Variants in BCHE observed in about 807,000 individuals in gnomAD.
The protein encoded by BCHE is butyrylcholinesterase.
BCHE carries 48 observed loss-of-function variants against 51.3 expected under a neutral mutation model. The ratio of observed to expected loss-of-function variants is 0.94; its 90% CI spans 0.74 to 1.19. BCHE has a LOEUF of 1.19. Ranked by LOEUF, BCHE falls within the 50% of genes most tolerant of loss-of-function variation. The pLI is 0.00. For missense variants in BCHE, 847 were observed against 708.2 expected (o/e 1.20, Z -2.23); for synonymous variants, 251 against 238.0 (o/e 1.05, Z -0.50).
At chr3:165,822,063 ATTACTTTG>A (rs1714547264) in intron 2 of BCHE, among the ~76,000 whole-genome samples, 1 of 152,122 alleles carries the variant, frequency 6.6e-6, no homozygotes, top group Admixed American at 6.6e-5. Flanking sequence ...TTACTTCCAA[ATTACTTTG>A]TTAAGTAGCT....
chr3:165,805,637 T>C (rs1356736405), intron 2 of BCHE, among the ~76,000 whole-genome samples: 2 of 152,220 alleles, frequency 1.3e-5, no homozygotes, highest in African/African-American at 2.4e-5. Flanking sequence ...AGATGGATGA[T>C]AGCAATAACC....
chr3:165,793,720 G>A (rs894926975), intron 2 of BCHE, among the ~76,000 whole-genome samples: 1 of 152,108 alleles, frequency 6.6e-6, no homozygotes, highest in African/African-American at 2.4e-5. Flanking sequence ...ATTTGTTGTG[G>A]CAATCAGACA....
chr3:165,793,255 A>G (rs1003751018), intron 2 of BCHE, among the ~76,000 whole-genome samples: 3 of 152,214 alleles, frequency 2.0e-5, no homozygotes, highest in Admixed American at 1.3e-4. Flanking sequence ...TAAAATACAC[A>G]TAATGCACTA....
intron 2 of BCHE, among the ~76,000 whole-genome samples, chr3:165,810,897 T>A (rs1182798458): frequency 6.6e-6 from 1 of 152,142 alleles, no homozygotes; most frequent in African/African-American, 2.4e-5. Flanking sequence ...GGAACTTTTC[T>A]AAGAACAGAG....
At chr3:165,788,654 T>C (rs928757681) in intron 2 of BCHE, among the ~76,000 whole-genome samples, 2 of 152,180 alleles carry the variant, frequency 1.3e-5, no homozygotes, top group Non-Finnish European at 2.9e-5. Context: ...AATTCTGCTC[T>C]ACTTTACTTA....
intron 2 of BCHE, among the ~76,000 whole-genome samples, chr3:165,800,738 T>G (rs1482676194): frequency 6.6e-6 from 1 of 152,066 alleles, no homozygotes. Flanking sequence ...TGAACTGACT[T>G]TTTTTCAGGA....
At chr3:165,786,424 A>G in intron 2 of BCHE, 113 bp from the exon 3 acceptor site, 1 of 995,726 alleles carries the variant, frequency 1.0e-6, no homozygotes, top group Non-Finnish European at 1.5e-6. Context: ...GACAGAAAAA[A>G]TGTGGATATA....
Position 165,830,236 on chromosome 3 carries a change from TTCATAAAGAGATGTTA to T in BCHE, c.782_797del (p.Val261GlufsTer7). On this transcript the variant is annotated frameshift_variant, in exon 2 of 4. Coordinates refer to ENST00000264381, the MANE Select transcript of BCHE (RefSeq NM_000055.4). LOFTEE classifies it high-confidence loss of function. The stretch of plus-strand genomic sequence containing the variant: ...CTAAGTTCAACGTTCTGTTCCTAGC[TTCATAAAGAGATGTTA>T]CCGCCCAAGGAGCATTAAAGGATCC... The T allele has an allele frequency of 6.2e-7, 1 of 1,614,028 alleles. No homozygotes were observed.
intron 2 of BCHE, chr3:165,827,994 G>A (rs1202667885): frequency 2.2e-6 from 1 of 455,312 alleles, no homozygotes; most frequent in East Asian, 7.0e-5. Flanking sequence ...ACCCATCATA[G>A]TACTTCAATG....
chr3:165,773,743 A>T (rs1037050563), intron 3 of BCHE, among the ~76,000 whole-genome samples: 13 of 150,008 alleles, frequency 8.7e-5, no homozygotes, highest in African/African-American at 3.3e-4. Context: ...CGTATAACAT[A>T]TAAAATGGAA....
intron 2 of BCHE, among the ~76,000 whole-genome samples, chr3:165,788,693 C>T (rs1385731141): frequency 6.6e-6 from 1 of 152,088 alleles, no homozygotes; most frequent in Non-Finnish European, 1.5e-5. Context: ...GCATTCATTT[C>T]TGTCTTCTGT....
chr3:165,814,061 T>C (rs1401305130), intron 2 of BCHE, among the ~76,000 whole-genome samples: 1 of 152,012 alleles, frequency 6.6e-6, no homozygotes, highest in Non-Finnish European at 1.5e-5. Flanking sequence ...ATAATAAATA[T>C]AGGTAGTATC....
intron 2 of BCHE, among the ~76,000 whole-genome samples, chr3:165,810,988 T>C (rs1268924028): frequency 6.6e-6 from 1 of 152,106 alleles, no homozygotes; most frequent in Non-Finnish European, 1.5e-5. Context: ...TACATCTTAT[T>C]GGAGTTATAC....
intron 2 of BCHE, among the ~76,000 whole-genome samples, chr3:165,805,192 C>G (rs1713824180): frequency 2.6e-5 from 4 of 151,780 alleles, no homozygotes; most frequent in Admixed American, 2.6e-4. Flanking sequence ...AAATAACGAG[C>G]TCTTAGTAGA....
chr3:165,775,285 G>T (rs1391730925), intron 3 of BCHE, among the ~76,000 whole-genome samples: 1 of 151,766 alleles, frequency 6.6e-6, no homozygotes, highest in Non-Finnish European at 1.5e-5. Flanking sequence ...CTTGGACATT[G>T]GAAAAATATT....
chr3:165,775,703 A>G (rs530077338), intron 3 of BCHE, among the ~76,000 whole-genome samples: 1 of 152,036 alleles, frequency 6.6e-6, no homozygotes, highest in Admixed American at 6.6e-5. Flanking sequence ...TCAAATGTCT[A>G]TACAATTTAG....
chr3:165,835,019 A>T (rs561265551), intron 1 of BCHE, among the ~76,000 whole-genome samples: 2 of 151,996 alleles, frequency 1.3e-5, no homozygotes, highest in East Asian at 3.9e-4. Flanking sequence ...ATTGGAAATA[A>T]AGACAGGAGT....
intron 2 of BCHE, among the ~76,000 whole-genome samples, chr3:165,797,159 T>TC (rs1164812224): frequency 1.8e-5 from 2 of 113,646 alleles, no homozygotes; most frequent in African/African-American, 3.3e-5. Context: ...CCTCCTTCCT[T>TC]CTTCCCTCCC....
At chr3:165,822,583 T>C (rs1342384518) in intron 2 of BCHE, among the ~76,000 whole-genome samples, 1 of 152,052 alleles carries the variant, frequency 6.6e-6, no homozygotes, top group Non-Finnish European at 1.5e-5. Flanking sequence ...CTGGGAACAT[T>C]ACATTGGCTG....
Sources: gnomAD v4.1 joint callset for allele counts (sites outside exome capture counted in the v4.1 genomes callset) on GRCh38, gnomAD v4.1.1 for gene constraint, MANE v1.5 for transcripts, NCBI Gene and HGNC (gene_info 2026-07-23, HGNC 2026-07-21) for gene names.